Variants in EIF3H observed in about 807,000 individuals in gnomAD.
EIF3H encodes the protein eIF-3-gamma.
Under a neutral mutation model 44.2 loss-of-function variants are expected in EIF3H, and 26 were observed. The ratio of observed to expected loss-of-function variants is 0.59; its 90% CI spans 0.43 to 0.82. EIF3H has a LOEUF of 0.82. Ranked by LOEUF, EIF3H falls within the 40% of genes least tolerant of loss-of-function variation. The probability of loss-of-function intolerance (pLI) is 0.00; values close to 1 mark genes in which losing one functional copy is unlikely to be tolerated. For synonymous variants in EIF3H, 166 were observed against 151.9 expected, an observed-to-expected ratio of 1.09 and a Z score of -0.68; for missense variants, 359 against 432.8, an observed-to-expected ratio of 0.83 and a Z score of 1.51.
At chr8:116,662,985 A>G (rs900277032) in intron 2 of EIF3H, among the ~76,000 whole-genome samples, 10 of 152,154 alleles carry the variant, frequency 6.6e-5, no homozygotes, top group Admixed American at 2.0e-4. Context: ...AGCACAAGAG[A>G]CCCAGTTTGG....
intron 2 of EIF3H, among the ~76,000 whole-genome samples, chr8:116,662,842 T>C (rs1238668471): frequency 6.6e-6 from 1 of 152,230 alleles, no homozygotes; most frequent in Non-Finnish European, 1.5e-5. Context: ...CGTGAAATTA[T>C]GGCATGCTGG....
chr8:116,741,012 T>C (rs556612154), intron 1 of EIF3H, among the ~76,000 whole-genome samples: 2 of 152,362 alleles, frequency 1.3e-5, no homozygotes, highest in East Asian at 1.9e-4. Context: ...GCTACTATTA[T>C]AACAACTATC....
Position 116,747,485 on chromosome 8 carries a change from A to C in EIF3H, c.132+8181T>G, listed in dbSNP as rs942621774. Among the ~76,000 whole-genome samples the C allele has an allele frequency of 2.6e-5, 4 of 152,356 alleles. 1 individual carries two copies. In the Middle Eastern group the frequency reaches 0.014, roughly 518 times the overall value. ...GAAACACATATAATTAAAATAGCTA[A>C]AATGTGCAAGTTTTGGTGCTTGAAA... On this transcript the variant is annotated intron_variant, in intron 1 of 7. Coordinates refer to ENST00000521861, the MANE Select transcript of EIF3H (RefSeq NM_003756.3).
chr8:116,761,228 C>T (rs548029672), intron 1 of EIF3H, among the ~76,000 whole-genome samples: 28 of 152,090 alleles, frequency 1.8e-4, no homozygotes, highest in South Asian at 4.1e-4. Flanking sequence ...CTGTTAGAGA[C>T]GGGCTGGGTG....
intron 2 of EIF3H, among the ~76,000 whole-genome samples, chr8:116,668,692 T>C (rs78010323): frequency 0.012 from 1,772 of 152,046 alleles, 36 homozygotes; most frequent in African/African-American, 0.04. Flanking sequence ...GCCTCCTCTG[T>C]TGCCAAAAAA....
At chr8:116,654,334 C>A (rs1482917221) in intron 5 of EIF3H, among the ~76,000 whole-genome samples, 1 of 152,134 alleles carries the variant, frequency 6.6e-6, no homozygotes, top group African/African-American at 2.4e-5. Flanking sequence ...CTGCTTTGGA[C>A]AAATGGACAT....
At chr8:116,690,673 A>T (rs1814159723) in intron 2 of EIF3H, among the ~76,000 whole-genome samples, 1 of 152,234 alleles carries the variant, frequency 6.6e-6, no homozygotes, top group African/African-American at 2.4e-5. Flanking sequence ...CATTACTTTG[A>T]TCCTAACTGC....
At chr8:116,670,286 G>C (rs1813731071) in intron 2 of EIF3H, among the ~76,000 whole-genome samples, 1 of 152,190 alleles carries the variant, frequency 6.6e-6, no homozygotes, top group South Asian at 2.1e-4. Context: ...AAGTATGTGG[G>C]GAGAATGCGG....
intron 2 of EIF3H, among the ~76,000 whole-genome samples, chr8:116,664,492 G>A (rs1039737813): frequency 6.6e-6 from 1 of 152,204 alleles, no homozygotes; most frequent in Non-Finnish European, 1.5e-5. Flanking sequence ...TAACGAAACA[G>A]CATTCTTCTC....
intron 1 of EIF3H, among the ~76,000 whole-genome samples, chr8:116,727,219 C>A (rs1261039265): frequency 6.6e-6 from 1 of 152,134 alleles, no homozygotes; most frequent in Non-Finnish European, 1.5e-5. Flanking sequence ...GAAGAAACAG[C>A]CTAAGAGAGA....
chr8:116,701,208 C>T (rs1814370419), intron 2 of EIF3H, among the ~76,000 whole-genome samples: 1 of 152,182 alleles, frequency 6.6e-6, no homozygotes, highest in Non-Finnish European at 1.5e-5. Flanking sequence ...ATGCAATTCA[C>T]AATCTCCATT....
intron 1 of EIF3H, among the ~76,000 whole-genome samples, chr8:116,729,819 G>A (rs1317818584): frequency 6.6e-6 from 1 of 152,184 alleles, no homozygotes; most frequent in Non-Finnish European, 1.5e-5. Context: ...TTCTTTGGCT[G>A]CTTAGAGGAT....
chr8:116,701,627 G>C lies in EIF3H; in HGVS notation c.289+24389C>G, dbSNP rs112638788. Among the ~76,000 whole-genome samples the C allele has an allele frequency of 8.8e-4, 134 of 152,174 alleles. 1 individual carries two copies. The highest frequency in any genetic ancestry group is 2.8e-3 in the African/African-American group (118 of 41,510). On this transcript the variant is annotated intron_variant, in intron 2 of 7. Coordinates refer to ENST00000521861, the MANE Select transcript of EIF3H (RefSeq NM_003756.3). ...CATGTTGAGATGATGCAATGAAAGG[G>C]CCAATTCACTTGTATAATTCCCCAA...
chr8:116,727,753 G>A (rs900598882), intron 1 of EIF3H, among the ~76,000 whole-genome samples: 2 of 152,090 alleles, frequency 1.3e-5, no homozygotes, highest in Non-Finnish European at 2.9e-5. Context: ...TTATTTTTTA[G>A]TAGAATTGTT....
At chr8:116,761,356 A>G (rs1247794974) in intron 1 of EIF3H, among the ~76,000 whole-genome samples, 11 of 152,122 alleles carry the variant, frequency 7.2e-5, no homozygotes, top group Admixed American at 5.2e-4. Flanking sequence ...TACTAAAAAT[A>G]CAAAAATCAG....
In EIF3H at chr8:116,666,109, C is replaced by T. The variant is rs532133730; in HGVS notation, c.290-7129G>A. Among the ~76,000 whole-genome samples the T allele has an allele frequency of 5.3e-5, 8 of 152,270 alleles. No homozygotes were observed. In the South Asian group the frequency reaches 8.3e-4, roughly 16 times the overall value. ...ATATAAGTTCTATTCTACCTAGACA[C>T]TAATCTGTTGTATTGTAAAAGAAGT... is the stretch of plus-strand genomic sequence containing the variant. On this transcript the variant is annotated intron_variant, in intron 2 of 7. Transcript: ENST00000521861.
At chr8:116,681,265 A>C (rs1455907242) in intron 2 of EIF3H, among the ~76,000 whole-genome samples, 2 of 152,156 alleles carry the variant, frequency 1.3e-5, no homozygotes, top group East Asian at 3.8e-4. Context: ...CAGGAGGCTG[A>C]GGCACGAGAA....
chr8:116,647,942 T>G (rs1410454827), intron 6 of EIF3H, among the ~76,000 whole-genome samples: 1 of 152,124 alleles, frequency 6.6e-6, no homozygotes, highest in Non-Finnish European at 1.5e-5. Context: ...AAAAAAATAC[T>G]GATTTACATA....
rs1327297313 is a variant in EIF3H at position 116,657,345 on chromosome 8, A to T, written c.458-31T>A. 3 of 1,557,238 alleles carry T rather than the reference A, an allele frequency of 1.9e-6. No individual in the cohort carries two copies. The African/African-American group carries it at 4.1e-5, about 21-fold the overall frequency. On this transcript the variant is annotated intron_variant, in intron 3 of 7. Coordinates refer to ENST00000521861, the MANE Select transcript of EIF3H (RefSeq NM_003756.3). Reference sequence around the variant, plus strand: ...ACAAGGAAAGAGAAATAAATTACTAAGAATTTTGTCACTGCCAGGCTTGAA... The same window carrying T: ...ACAAGGAAAGAGAAATAAATTACTATGAATTTTGTCACTGCCAGGCTTGAA...
Sources: allele counts gnomAD v4.1 joint callset (sites outside exome capture counted in the v4.1 genomes callset), GRCh38; gene constraint gnomAD v4.1.1; transcripts MANE v1.5; gene names NCBI Gene and HGNC (gene_info 2026-07-23, HGNC 2026-07-21).